Variants in LPP observed in about 807,000 individuals in gnomAD.
The protein encoded by LPP is LIM domain containing preferred translocation partner in lipoma.
Under a neutral mutation model 60.4 loss-of-function variants are expected in LPP, and 38 were observed. The ratio of observed to expected loss-of-function variants is 0.63; its 90% confidence interval spans 0.49 to 0.83. The LOEUF is 0.83. Among genes scored for constraint, LPP ranks in the 40% least tolerant of loss-of-function variants. The pLI is 0.00. For synonymous variants in LPP, 328 were observed against 290.8 expected, an observed-to-expected ratio of 1.13 and a Z score of -1.30; for missense variants, 902 against 783.6, an observed-to-expected ratio of 1.15 and a Z score of -1.80.
Position 188,886,091 on chromosome 3 carries a change from A to C in LPP, c.*11612A>C, listed in dbSNP as rs922999915. On this transcript the variant is annotated 3_prime_UTR_variant, in exon 12 of 12. Transcript: ENST00000617246. ...CCACATGTTCTCACTCACAGGTGGG[A>C]ATTGAACAATGAGAACACATGGACA... The C allele has an allele frequency of 4.6e-5, 7 of 151,704 alleles. No individual in the cohort carries two copies. The highest frequency in any genetic ancestry group is 1.7e-4 in the African/African-American group (7 of 41,272). 9.4% of individuals were successfully genotyped at this position (151,704 alleles called of 1,614,324 possible). A position where few individuals can be genotyped will look rare whatever the true frequency, so the allele number is the denominator to read the frequency against.
At chr3:188,709,450 GAT>G in intron 8 of LPP, 1 of 152,312 alleles carries the variant, frequency 6.6e-6, no homozygotes. Context: ...TCCACCTCCG[GAT>G]TTTGAGCAAT....
rs572342798 is a variant in LPP, at chr3:188,836,899, G to A, written c.1411-29301G>A. Reference sequence around the variant, plus strand: ...GATTCTAAACTGTCAGAACTACGTGGGCTTTTAGAGCCCATCTAAATCCTT... The same window carrying A: ...GATTCTAAACTGTCAGAACTACGTGAGCTTTTAGAGCCCATCTAAATCCTT... On this transcript the variant is annotated intron_variant, in intron 9 of 11. Transcript: ENST00000617246. Among the ~76,000 whole-genome samples, 77 of 152,234 alleles carry A rather than the reference G, an allele frequency of 5.1e-4. 1 individual carries two copies. Among genetic ancestry groups the A allele is most frequent in the Non-Finnish European group, 8.8e-4 (60 of 68,030 alleles).
rs763711423 is a variant in LPP, at chr3:188,609,308, G to A, written c.577G>A (p.Val193Met). 9 of 1,613,888 alleles carry A rather than the reference G, an allele frequency of 5.6e-6. No individual in the cohort carries two copies. The East Asian group carries it at 1.8e-4, about 32-fold the overall frequency. Residue 193 changes from valine to methionine, a missense_variant, in exon 7 of 12, where the codon GTG becomes ATG. Physicochemically the swap from Val to Met is conservative, Grantham distance 21. Coordinates refer to ENST00000617246, the MANE Select transcript of LPP (RefSeq NM_001375462.1). The surrounding 1 kb of genome is among the most constrained non-coding windows in gnomAD (Gnocchi z 6.9). Reference sequence around the variant, plus strand: ...TGCACCCCAGGCTGGACCCATCCCTGTGGCTCCAATCGGAACACTCAAACC... The same window carrying A: ...TGCACCCCAGGCTGGACCCATCCCTATGGCTCCAATCGGAACACTCAAACC... Reference protein sequence around the residue: ...QPAPQAGPIPVAPIGTLKPQP... With the variant: ...QPAPQAGPIPMAPIGTLKPQP...
intron 7 of LPP, among the ~76,000 whole-genome samples, chr3:188,686,699 ATC>A (rs1379117216): frequency 6.6e-6 from 1 of 152,168 alleles, no homozygotes; most frequent in African/African-American, 2.4e-5. Flanking sequence ...AAGACTAAGA[ATC>A]TATGATTTAG....
At chr3:188,551,575 A>C (rs1009719391) in intron 6 of LPP, among the ~76,000 whole-genome samples, 1 of 152,208 alleles carries the variant, frequency 6.6e-6, no homozygotes, top group African/African-American at 2.4e-5. Context: ...GGACCTTCTC[A>C]TAGGGAACTT....
intron 3 of LPP, among the ~76,000 whole-genome samples, chr3:188,398,253 G>A (rs975228123): frequency 3.9e-5 from 6 of 152,168 alleles, no homozygotes; most frequent in African/African-American, 1.4e-4. Flanking sequence ...TAGAGGGAAT[G>A]GTAGTGGATA....
At chr3:188,735,089 T>A (rs1490511641) in intron 8 of LPP, among the ~76,000 whole-genome samples, 1 of 152,202 alleles carries the variant, frequency 6.6e-6, no homozygotes, top group Non-Finnish European at 1.5e-5. Flanking sequence ...AACATACTGT[T>A]GACCCTGATT....
chr3:188,608,049 TC>T (rs2151341215), intron 6 of LPP, among the ~76,000 whole-genome samples: 1 of 152,164 alleles, frequency 6.6e-6, no homozygotes, highest in Non-Finnish European at 1.5e-5. Flanking sequence ...TCTCTCCCTG[TC>T]CCCCAGTCTG....
intron 3 of LPP, among the ~76,000 whole-genome samples, chr3:188,387,554 G>A (rs768103137): frequency 7.3e-6 from 1 of 136,068 alleles, no homozygotes; most frequent in Non-Finnish European, 1.5e-5. Flanking sequence ...GAGACACACG[G>A]GTCAGAGGTT....
chr3:188,195,935 T>C (rs1729412873), intron 1 of LPP, among the ~76,000 whole-genome samples: 1 of 152,212 alleles, frequency 6.6e-6, no homozygotes, highest in South Asian at 2.1e-4. Context: ...CTCGCTTCTT[T>C]ACTCCTCTGC....
intron 9 of LPP, among the ~76,000 whole-genome samples, chr3:188,847,433 G>A (rs1761710199): frequency 6.6e-6 from 1 of 152,206 alleles, no homozygotes; most frequent in Non-Finnish European, 1.5e-5. Flanking sequence ...AGGTAACTGG[G>A]TAGGATTCCC....
intron 1 of LPP, among the ~76,000 whole-genome samples, chr3:188,181,362 A>G (rs1451010670): frequency 1.3e-5 from 2 of 151,934 alleles, no homozygotes; most frequent in Admixed American, 6.6e-5. Flanking sequence ...CAAAAAAAAA[A>G]AAAAAAAAGA....
intron 9 of LPP, among the ~76,000 whole-genome samples, chr3:188,827,067 C>T (rs933427914): frequency 6.6e-6 from 1 of 152,070 alleles, no homozygotes; most frequent in Non-Finnish European, 1.5e-5. Context: ...TAAAAAGAGA[C>T]TGATTGTATA....
chr3:188,439,064 A>G (rs929148666), intron 4 of LPP, among the ~76,000 whole-genome samples: 1 of 152,210 alleles, frequency 6.6e-6, no homozygotes, highest in African/African-American at 2.4e-5. Context: ...TTGTTAAAAC[A>G]TGCAGGTACA....
At chr3:188,784,075 C>A (rs1740749991) in intron 9 of LPP, among the ~76,000 whole-genome samples, 1 of 151,688 alleles carries the variant, frequency 6.6e-6, no homozygotes, top group South Asian at 2.1e-4. Flanking sequence ...CCTCGTCCCC[C>A]TTCCACGCTT....
chr3:188,759,337 C>T (rs1242907668), intron 8 of LPP: 1 of 152,102 alleles, frequency 6.6e-6, no homozygotes, highest in Non-Finnish European at 1.5e-5. Context: ...GAACCGTGGC[C>T]CTGAAAGACT....
chr3:188,171,874 T>C lies in LPP; in HGVS notation c.-190+17622T>C, dbSNP rs557571677. 2.0e-5 allele frequency among the ~76,000 whole-genome samples: 3 copies of C among 152,306 alleles called. No individual in the cohort carries two copies. In the East Asian group the frequency reaches 5.8e-4, roughly 29 times the overall value. On this transcript the variant is annotated intron_variant, in intron 1 of 11. Transcript: ENST00000617246. Reference sequence around the variant, plus strand: ...TTGAAAAGACAGCCTGCATGTTTCATTTCACTCTCTACCCGAACTGACACT... The same window carrying C: ...TTGAAAAGACAGCCTGCATGTTTCACTTCACTCTCTACCCGAACTGACACT...
chr3:188,493,071 T>C (rs987549303), intron 5 of LPP, among the ~76,000 whole-genome samples: 1 of 152,238 alleles, frequency 6.6e-6, no homozygotes, highest in African/African-American at 2.4e-5. Flanking sequence ...TCTTTTTTTC[T>C]GCCATAGTAC....
chr3:188,388,759 C>G (rs1341830812), intron 3 of LPP, among the ~76,000 whole-genome samples: 6 of 152,164 alleles, frequency 3.9e-5, no homozygotes, highest in Non-Finnish European at 7.4e-5. Flanking sequence ...TTTGTTATAT[C>G]TGTAGTAACT....
Sources: allele counts gnomAD v4.1 joint callset (sites outside exome capture counted in the v4.1 genomes callset), GRCh38; gene constraint gnomAD v4.1.1; non-coding constraint Gnocchi (gnomAD v3.1); transcripts MANE v1.5; gene names NCBI Gene and HGNC (gene_info 2026-07-23, HGNC 2026-07-21).